Variants in TTC29 observed in about 807,000 individuals in gnomAD.
TTC29 encodes the protein tetratricopeptide repeat protein 29.
Under a neutral mutation model 58.1 loss-of-function variants are expected in TTC29, and 49 were observed. The observed-to-expected ratio is 0.84, with a 90% CI of 0.67 to 1.07. TTC29 has a LOEUF of 1.07. TTC29 is among the 50% of genes least tolerant of loss of function. The pLI is 0.00. For missense variants in TTC29, 582 were observed against 555.6 expected, an observed-to-expected ratio of 1.05 and a Z score of -0.48; for synonymous variants, 209 against 196.8, an observed-to-expected ratio of 1.06 and a Z score of -0.52.
At chr4:146,710,634 G>A (rs1203309080) in intron 11 of TTC29, among the ~76,000 whole-genome samples, 2 of 152,098 alleles carry the variant, frequency 1.3e-5, no homozygotes, top group Non-Finnish European at 2.9e-5. Flanking sequence ...GATTTGAGAT[G>A]TTTGATCTGT....
chr4:146,839,571 TGTAA>T (rs1205999672), intron 8 of TTC29, among the ~76,000 whole-genome samples: 1 of 151,246 alleles, frequency 6.6e-6, no homozygotes, highest in Admixed American at 6.6e-5. Context: ...TGTGTGTGTG[TGTAA>T]GTTTTATGCT....
chr4:146,771,547 A>G (rs993753743), intron 11 of TTC29, among the ~76,000 whole-genome samples: 3 of 152,078 alleles, frequency 2.0e-5, no homozygotes, highest in Non-Finnish European at 4.4e-5. Context: ...CACTTAGGAT[A>G]ATGGCCTCCA....
chr4:146,847,030 G>T (rs1561183979), intron 8 of TTC29, among the ~76,000 whole-genome samples: 1 of 152,132 alleles, frequency 6.6e-6, no homozygotes, highest in Non-Finnish European at 1.5e-5. Context: ...AACATGGTAG[G>T]AAAGTCTTCC....
chr4:146,800,126 A>G (rs1021716455), intron 11 of TTC29, among the ~76,000 whole-genome samples: 2 of 152,188 alleles, frequency 1.3e-5, no homozygotes, highest in Non-Finnish European at 2.9e-5. Context: ...TTAATATTGG[A>G]AAGAAAGAAT....
intron 9 of TTC29, among the ~76,000 whole-genome samples, chr4:146,825,988 C>G (rs1356239644): frequency 6.6e-6 from 1 of 151,084 alleles, no homozygotes; most frequent in African/African-American, 2.4e-5. Flanking sequence ...CCCTTTATTT[C>G]AAGCCTGTGT....
chr4:146,908,920 A>C (rs1560708317), intron 5 of TTC29, 106 bp downstream of exon 5: 1 of 942,380 alleles, frequency 1.1e-6, no homozygotes. Context: ...AAGTGTGCTA[A>C]GTTGTCTTAA....
chr4:146,882,700 G>T (rs980790240), intron 6 of TTC29, among the ~76,000 whole-genome samples: 1 of 152,078 alleles, frequency 6.6e-6, no homozygotes, highest in African/African-American at 2.4e-5. Flanking sequence ...AAAGAGAAAG[G>T]TGCGGAAGCA....
chr4:146,799,798 T>C (rs1579701343), intron 11 of TTC29, among the ~76,000 whole-genome samples: 1 of 152,318 alleles, frequency 6.6e-6, no homozygotes, highest in East Asian at 1.9e-4. Context: ...TATAATTACA[T>C]TTCTAGGTTG....
chr4:146,834,249 A>G (rs1000341799), intron 8 of TTC29, among the ~76,000 whole-genome samples: 1 of 152,222 alleles, frequency 6.6e-6, no homozygotes, highest in Non-Finnish European at 1.5e-5. Context: ...AAGGCAGATT[A>G]TAATATTCTA....
chr4:146,824,013 G>A (rs1003391124), intron 9 of TTC29, among the ~76,000 whole-genome samples: 2 of 152,058 alleles, frequency 1.3e-5, no homozygotes, highest in Non-Finnish European at 2.9e-5. Flanking sequence ...TGAGACAATG[G>A]GATTTTCTAA....
At chr4:146,723,001 A>AT (rs1176276634) in intron 11 of TTC29, among the ~76,000 whole-genome samples, 1 of 152,076 alleles carries the variant, frequency 6.6e-6, no homozygotes, top group Non-Finnish European at 1.5e-5. Flanking sequence ...CCTGGCCTGA[A>AT]TTAAAGATTT....
chr4:146,774,945 T>C (rs965666562), intron 11 of TTC29, among the ~76,000 whole-genome samples: 1 of 152,208 alleles, frequency 6.6e-6, no homozygotes, highest in Non-Finnish European at 1.5e-5. Flanking sequence ...GTTTGGTACA[T>C]ATGTATTTAG....
At chr4:146,816,567 G>A (rs1380434153) in intron 10 of TTC29, among the ~76,000 whole-genome samples, 1 of 152,022 alleles carries the variant, frequency 6.6e-6, no homozygotes, top group Non-Finnish European at 1.5e-5. Context: ...GGGTCAGAGA[G>A]CAAGGAGGAG....
At chr4:146,719,216 G>GTT (rs1200888182) in intron 11 of TTC29, among the ~76,000 whole-genome samples, 1 of 151,546 alleles carries the variant, frequency 6.6e-6, no homozygotes, top group Non-Finnish European at 1.5e-5. Context: ...GTGTGTGTGT[G>GTT]TGTGTGTGTG....
chr4:146,840,311 G>A (rs958095109), intron 8 of TTC29, among the ~76,000 whole-genome samples: 1 of 151,916 alleles, frequency 6.6e-6, no homozygotes, highest in Non-Finnish European at 1.5e-5. Flanking sequence ...TCCCAGTAAA[G>A]AGAACTGCAG....
chr4:146,789,917 ATC>A (rs1338746519), intron 11 of TTC29, among the ~76,000 whole-genome samples: 1 of 152,196 alleles, frequency 6.6e-6, no homozygotes, highest in Non-Finnish European at 1.5e-5. Flanking sequence ...CTGGAATAAA[ATC>A]TAAAGTAATC....
In TTC29 at chr4:146,741,012, G is replaced by A. The variant is rs373496045; in HGVS notation, c.1331-33461C>T. 7.2e-5 allele frequency among the ~76,000 whole-genome samples: 11 copies of A among 152,262 alleles called. No individual in the cohort carries two copies. The East Asian group carries it at 1.5e-3, about 21-fold the overall frequency. On this transcript the variant is annotated intron_variant, in intron 11 of 12. Coordinates refer to ENST00000325106, the MANE Select transcript of TTC29 (RefSeq NM_031956.4). ...GCTGGAATAACAGGCACGAGCCACC[G>A]ACCATGGTGGAACAATCTTATGCCT...
intron 11 of TTC29, among the ~76,000 whole-genome samples, chr4:146,737,825 T>A (rs576469441): frequency 6.6e-6 from 1 of 152,194 alleles, no homozygotes; most frequent in Non-Finnish European, 1.5e-5. Context: ...CCAAATCATC[T>A]AAAAAATCTT....
intron 12 of TTC29, 42 bp from the exon 13 acceptor site, chr4:146,707,230 T>C: frequency 7.7e-7 from 1 of 1,304,920 alleles, no homozygotes; most frequent in Non-Finnish European, 1.0e-6. Context: ...TATACTGGGC[T>C]AGAAAGCAAA....
Sources: allele counts gnomAD v4.1 joint callset (sites outside exome capture counted in the v4.1 genomes callset), GRCh38; gene constraint gnomAD v4.1.1; transcripts MANE v1.5; gene names NCBI Gene and HGNC (gene_info 2026-07-23, HGNC 2026-07-21).